The following SNTB1 variants were observed in gnomAD, a reference collection of about 807,000 sequenced individuals.
SNTB1 encodes the protein beta-1-syntrophin.
SNTB1 carries 36 observed loss-of-function variants against 48.9 expected under a neutral mutation model. That is an observed-to-expected ratio of 0.74 (90% CI 0.56 to 0.97). The LOEUF is 0.97. SNTB1 is among the 50% of genes least tolerant of loss of function. The pLI, the probability that SNTB1 is intolerant of heterozygous loss-of-function variation, is 0.00. For synonymous variants in SNTB1, 299 were observed against 294.6 expected, an observed-to-expected ratio of 1.01 and a Z score of -0.15; for missense variants, 786 against 703.4, an observed-to-expected ratio of 1.12 and a Z score of -1.33.
intron 2 of SNTB1, among the ~76,000 whole-genome samples, chr8:120,683,525 AAGCATCCC>A (rs989131516): frequency 6.6e-6 from 1 of 152,208 alleles, no homozygotes; most frequent in African/African-American, 2.4e-5. Flanking sequence ...GCTAATCATA[AAGCATCCC>A]TGGGAAAGTG....
In SNTB1 at chr8:120,575,165, G is replaced by C. The variant is rs1211817777; in HGVS notation, c.1057C>G (p.Leu353Val). The C allele has an allele frequency of 3.1e-6, 5 of 1,614,086 alleles. No homozygotes were observed. Among genetic ancestry groups the C allele is most frequent in the Non-Finnish European group, 4.2e-6 (5 of 1,179,996 alleles). ...CGTGGCATGCTGTCATAGATTAAAA[G>C]GTCTTTCTCAGTCAGCACAACCAGG... ...PALVVLTEKD[L>V]LIYDSMPRRK... is the part of the protein sequence containing the mutation. Residue 353 changes from leucine (L) to valine (V), a missense_variant, in exon 4 of 7, where the codon CTT becomes GTT. By Grantham distance (32) the Leu-to-Val change is conservative. Coordinates refer to ENST00000517992, the MANE Select transcript of SNTB1 (RefSeq NM_021021.4).
intron 1 of SNTB1, among the ~76,000 whole-genome samples, chr8:120,800,778 A>C (rs1025170026): frequency 6.6e-6 from 1 of 152,130 alleles, no homozygotes; most frequent in Non-Finnish European, 1.5e-5. Context: ...AATAACTCTA[A>C]GAAATCTAAT....
intron 2 of SNTB1, among the ~76,000 whole-genome samples, chr8:120,641,731 T>C (rs1817199756): frequency 6.6e-6 from 1 of 152,226 alleles, no homozygotes; most frequent in African/African-American, 2.4e-5. Context: ...CGTGTCACTG[T>C]CACTCAGATC....
chr8:120,785,773 A>G (rs1390484815), intron 1 of SNTB1, among the ~76,000 whole-genome samples: 1 of 152,208 alleles, frequency 6.6e-6, no homozygotes, highest in African/African-American at 2.4e-5. Flanking sequence ...TGTTACTACC[A>G]CAGCTGGAGC....
intron 3 of SNTB1, among the ~76,000 whole-genome samples, chr8:120,605,513 T>C (rs1162358121): frequency 6.6e-6 from 1 of 152,194 alleles, no homozygotes; most frequent in Non-Finnish European, 1.5e-5. Flanking sequence ...CTTTGGTTAG[T>C]GTTTCTTAAG....
At chr8:120,672,973 G>A (rs1817780720) in intron 2 of SNTB1, among the ~76,000 whole-genome samples, 1 of 152,180 alleles carries the variant, frequency 6.6e-6, no homozygotes, top group African/African-American at 2.4e-5. Flanking sequence ...TTGACCTAGT[G>A]TGGAATCTCC....
intron 1 of SNTB1, among the ~76,000 whole-genome samples, chr8:120,734,198 C>T (rs1239134262): frequency 6.6e-6 from 1 of 152,130 alleles, no homozygotes; most frequent in Non-Finnish European, 1.5e-5. Flanking sequence ...AATCCCAGCA[C>T]TTTGGGAGGC....
At chr8:120,626,024 C>T (rs2130746886) in intron 3 of SNTB1, among the ~76,000 whole-genome samples, 1 of 152,232 alleles carries the variant, frequency 6.6e-6, no homozygotes, top group East Asian at 1.9e-4. Flanking sequence ...GCCTGTTTTA[C>T]TAGGGCCAGG....
At chr8:120,787,761 T>C (rs1819947841) in intron 1 of SNTB1, among the ~76,000 whole-genome samples, 1 of 152,096 alleles carries the variant, frequency 6.6e-6, no homozygotes, top group Non-Finnish European at 1.5e-5. Flanking sequence ...GAATCATAGG[T>C]GTTCCTGAGG....
intron 4 of SNTB1, 37 bp from the exon 5 acceptor site, chr8:120,548,995 G>A (rs1042135787): frequency 2.7e-6 from 4 of 1,497,722 alleles, no homozygotes; most frequent in Non-Finnish European, 3.6e-6. Context: ...TCAAAATGGA[G>A]ACTAGTTTAT....
chr8:120,687,759 G>A (rs1053192011), intron 2 of SNTB1, among the ~76,000 whole-genome samples: 4 of 152,188 alleles, frequency 2.6e-5, no homozygotes, highest in African/African-American at 9.6e-5. Context: ...AATACAGCCT[G>A]CTCACAATGA....
Position 120,575,223 on chromosome 8 carries a change from C to T in SNTB1, c.999G>A (p.Val333=). The T allele has an allele frequency of 6.2e-7, 1 of 1,614,074 alleles. No homozygotes were observed. Among genetic ancestry groups the T allele is most frequent in the Non-Finnish European group, 8.5e-7 (1 of 1,179,980 alleles). Residue 333 remains valine (V), a splice_region_variant and synonymous_variant, in exon 4 of 7, where the codon GTG becomes GTA. Transcript: ENST00000517992. ...IRHLGWLAEK[V]PGESKKQWKP... ...TCCACTGTTTCTTGCTCTCCCCTGGCACCTGAAAAAGAAAGCAGAGAACTG... is the reference window on the plus strand; with the variant it reads ...TCCACTGTTTCTTGCTCTCCCCTGGTACCTGAAAAAGAAAGCAGAGAACTG...
At position 120,699,441 on chromosome 8, in the gene SNTB1, TAA is replaced by T. The variant is rs1818267638; in HGVS notation, c.572-5535_572-5534del. On this transcript the variant is annotated intron_variant, in intron 1 of 6. Transcript: ENST00000517992. ...TTGGTTCACTTGAGATCTGGTTGTT[TAA>T]AAGAGTCTGGGACCTCCCCCTTCTC... Among the ~76,000 whole-genome samples the T allele has an allele frequency of 4.6e-5, 7 of 152,128 alleles. No homozygotes were observed. In the South Asian group the frequency reaches 1.5e-3, roughly 32 times the overall value.
intron 3 of SNTB1, among the ~76,000 whole-genome samples, chr8:120,630,104 A>G (rs745468364): frequency 6.6e-6 from 1 of 152,254 alleles, no homozygotes; most frequent in Non-Finnish European, 1.5e-5. Context: ...TGGTAGATGC[A>G]GGGTTGCATG....
At chr8:120,763,026 T>C (rs1401156869) in intron 1 of SNTB1, among the ~76,000 whole-genome samples, 1 of 152,164 alleles carries the variant, frequency 6.6e-6, no homozygotes, top group East Asian at 1.9e-4. Context: ...AGGCACAGAA[T>C]TGGATCTGAA....
In SNTB1 at chr8:120,613,701, A is replaced by AAATGTAG. The variant is rs1233455478; in HGVS notation, c.996+18736_996+18742dup. Among the ~76,000 whole-genome samples, 3 of 152,230 alleles carry AAATGTAG rather than the reference A, an allele frequency of 2.0e-5. No individual in the cohort carries two copies. In the East Asian group the frequency reaches 5.8e-4, roughly 29 times the overall value. ...CTTTGTTTCTGTCTTTTTAAGGATAAAATGTAGAATTACCATGTATCCGGT... is the reference window on the plus strand; with the variant it reads ...CTTTGTTTCTGTCTTTTTAAGGATAAAATGTAGAATGTAGAATTACCATGTATCCGGT... On this transcript the variant is annotated intron_variant, in intron 3 of 6. Coordinates refer to ENST00000517992, the MANE Select transcript of SNTB1 (RefSeq NM_021021.4).
At chr8:120,700,178 T>TG (rs1818282897) in intron 1 of SNTB1, among the ~76,000 whole-genome samples, 9 of 151,566 alleles carry the variant, frequency 5.9e-5, no homozygotes, top group African/African-American at 1.9e-4. Flanking sequence ...TGTGTGTGTG[T>TG]TTGTGTGTGT....
chr8:120,697,378 C>T (rs775827161), intron 1 of SNTB1, among the ~76,000 whole-genome samples: 6 of 152,156 alleles, frequency 3.9e-5, no homozygotes, highest in African/African-American at 1.2e-4. Flanking sequence ...AAATTTCACT[C>T]ATTCGGTCAA....
At chr8:120,777,154 C>T (rs1415332664) in intron 1 of SNTB1, among the ~76,000 whole-genome samples, 1 of 152,172 alleles carries the variant, frequency 6.6e-6, no homozygotes, top group African/African-American at 2.4e-5. Context: ...CTGTTGTGTA[C>T]TTCATACATG....
Sources: gnomAD v4.1 joint callset for allele counts (sites outside exome capture counted in the v4.1 genomes callset) on GRCh38, gnomAD v4.1.1 for gene constraint, MANE v1.5 for transcripts, NCBI Gene and HGNC (gene_info 2026-07-23, HGNC 2026-07-21) for gene names.